Variants in UNC80 observed in about 807,000 individuals in gnomAD.
UNC80 encodes the protein unc-80 subunit of NALCN channel complex.
In UNC80, 164 loss-of-function variants were observed where a neutral mutation model predicts 384.6. That is an observed-to-expected ratio of 0.43 (90% CI 0.38 to 0.49). The LOEUF (loss-of-function observed/expected upper bound fraction) is 0.49, where lower values mean the gene tolerates loss of function less well. UNC80 is among the 20% of genes least tolerant of loss of function. The pLI is 0.00. For missense variants in UNC80, 3,330 were observed against 4,143.0 expected (o/e 0.80, Z 5.39); for synonymous variants, 1,486 against 1,527.8 (o/e 0.97, Z 0.64).
At chr2:209,992,345 C>G (rs956531857) in intron 62 of UNC80, 98 bp downstream of exon 62, 2 of 1,184,660 alleles carry the variant, frequency 1.7e-6, no homozygotes, top group Non-Finnish European at 1.2e-6. Flanking sequence ...TGCTGCTGGA[C>G]GTGCCCGGAA....
At chr2:209,963,046 C>T (rs1363975481) in intron 51 of UNC80, among the ~76,000 whole-genome samples, 1 of 152,210 alleles carries the variant, frequency 6.6e-6, no homozygotes, top group East Asian at 1.9e-4. Flanking sequence ...ATTGCTAAGG[C>T]AATCTATACT....
chr2:209,916,357 C>T (rs1195640286), intron 31 of UNC80, among the ~76,000 whole-genome samples: 1 of 152,146 alleles, frequency 6.6e-6, no homozygotes, highest in East Asian at 1.9e-4. Flanking sequence ...GAAAATAATT[C>T]TTCAAGGAGA....
intron 22 of UNC80, among the ~76,000 whole-genome samples, chr2:209,864,987 G>T (rs7598071): frequency 6.6e-6 from 1 of 152,076 alleles, no homozygotes; most frequent in African/African-American, 2.4e-5. Flanking sequence ...TTCGTGAGGG[G>T]CATCTTCGGA....
chr2:209,781,988 A>AT (rs1305259626), intron 4 of UNC80, among the ~76,000 whole-genome samples: 2 of 152,098 alleles, frequency 1.3e-5, no homozygotes, highest in Non-Finnish European at 2.9e-5. Flanking sequence ...AGTCCCACTC[A>AT]TTTTTTCTCC....
Position 209,872,633 on chromosome 2 carries a change from G to A in UNC80, c.3628-125G>A. On this transcript the variant is annotated intron_variant, in intron 22 of 64. Transcript: ENST00000673920. The surrounding 1 kb of genome is among the most constrained non-coding windows in gnomAD (Gnocchi z 4.1). ...ATACTGACACCACCCTGGGAAATAT[G>A]GCCAATATAAATCAAAACATGAAGA... is the stretch of plus-strand genomic sequence containing the variant. 5.5e-6 allele frequency: 5 copies of A among 912,654 alleles called. No individual in the cohort carries two copies. The highest frequency in any genetic ancestry group is 8.4e-6 in the Non-Finnish European group (5 of 596,572). The allele number at this position is 912,654 out of a possible 1,614,324, so 56.5% of individuals were successfully genotyped here. A position where few individuals can be genotyped will look rare whatever the true frequency, so the allele number is the denominator to read the frequency against.
chr2:209,975,839 G>A (rs1195042025), intron 56 of UNC80, among the ~76,000 whole-genome samples: 1 of 152,002 alleles, frequency 6.6e-6, no homozygotes, highest in Non-Finnish European at 1.5e-5. Flanking sequence ...TCAATTCAGT[G>A]GACCACATTG....
At chr2:209,961,219 G>A (rs1365801453) in intron 51 of UNC80, 2 of 152,206 alleles carry the variant, frequency 1.3e-5, no homozygotes, top group African/African-American at 4.8e-5. Flanking sequence ...GCTCCCTCTA[G>A]AGGCCAATAC....
At chr2:209,793,582 A>G (rs2077964926) in intron 6 of UNC80, 138 bp from the exon 7 acceptor site, 3 of 959,724 alleles carry the variant, frequency 3.1e-6, no homozygotes, top group South Asian at 5.3e-5. Flanking sequence ...GGCCCATAAT[A>G]TCATAATTAA....
chr2:209,904,905 C>T lies in UNC80; in HGVS notation c.4722C>T (p.Asp1574=). The change falls in exon 29 of 65, where the codon GAC becomes GAT. Residue 1574 remains aspartate, a synonymous_variant. Coordinates refer to ENST00000673920, the MANE Select transcript of UNC80 (RefSeq NM_001371986.1). ...AIKLLYGDSV[D]SLRESSNISS... ...AGCTACTCTATGGAGACAGTGTGGA[C>T]TCCCTGAGGGAAAGCAGCAACATCA... 6.4e-7 allele frequency: 1 copy of T among 1,551,770 alleles called. No individual in the cohort carries two copies. Among genetic ancestry groups the T allele is most frequent in the South Asian group, 1.2e-5 (1 of 84,064 alleles).
intron 19 of UNC80, 47 bp from the exon 20 acceptor site, chr2:209,840,495 T>C (rs2081657501): frequency 2.7e-6 from 4 of 1,465,500 alleles, no homozygotes; most frequent in Non-Finnish European, 3.7e-6. Context: ...TTTAATTGAT[T>C]GGATAGAAAA....
At chr2:209,905,388 A>G (rs915973137) in intron 29 of UNC80, among the ~76,000 whole-genome samples, 19 of 152,148 alleles carry the variant, frequency 1.2e-4, no homozygotes, top group Non-Finnish European at 2.1e-4. Flanking sequence ...AAGGGTCCTT[A>G]TAAGTGGAAA....
At chr2:209,821,895 A>C (rs144231700) in intron 13 of UNC80, among the ~76,000 whole-genome samples, 508 of 152,282 alleles carry the variant, frequency 3.3e-3, no homozygotes, top group Middle Eastern at 0.017. Context: ...TACTGTGTAG[A>C]GTTCTAGATA....
At chr2:209,853,498 T>A (rs1419618276) in intron 22 of UNC80, among the ~76,000 whole-genome samples, 2 of 152,054 alleles carry the variant, frequency 1.3e-5, no homozygotes, top group African/African-American at 2.4e-5. Flanking sequence ...GATTCAATTT[T>A]AAGTCCAGTA....
chr2:209,869,706 G>A (rs915258933), intron 22 of UNC80, among the ~76,000 whole-genome samples: 4 of 152,070 alleles, frequency 2.6e-5, no homozygotes, highest in East Asian at 3.9e-4. Flanking sequence ...AATGGGTTTG[G>A]CTATTTACAT....
chr2:209,966,614 C>G (rs1207216977), intron 51 of UNC80, among the ~76,000 whole-genome samples: 1 of 152,192 alleles, frequency 6.6e-6, no homozygotes, highest in African/African-American at 2.4e-5. Context: ...CCCAATTAAT[C>G]TATTTGGCCA....
intron 56 of UNC80, among the ~76,000 whole-genome samples, chr2:209,975,728 A>C (rs1304459549): frequency 6.6e-6 from 1 of 152,246 alleles, no homozygotes; most frequent in African/African-American, 2.4e-5. Context: ...GTTTTAGCTA[A>C]GAATGTGAGT....
In UNC80 at chr2:209,993,768, C is replaced by T. The variant is rs78134939; in HGVS notation, c.9509-297C>T. 4.7e-4 allele frequency among the ~76,000 whole-genome samples: 71 copies of T among 152,242 alleles called. 1 individual carries two copies. In the East Asian group the frequency reaches 0.013, roughly 28 times the overall value. On this transcript the variant is annotated intron_variant, in intron 63 of 64. Transcript: ENST00000673920. ...GTAAAGCTATGATGAATAATAGGGA[C>T]TTTTAAGTCCTGTTGGCAGTTGTTA... is the stretch of plus-strand genomic sequence containing the variant.
chr2:209,799,504 T>C (rs2078397420), intron 7 of UNC80, among the ~76,000 whole-genome samples: 3 of 152,176 alleles, frequency 2.0e-5, no homozygotes, highest in South Asian at 4.1e-4. Flanking sequence ...ATAAAAATTA[T>C]GTTGTCTGGA....
intron 21 of UNC80, 34 bp downstream of exon 21, chr2:209,842,480 C>A: frequency 7.0e-7 from 1 of 1,438,486 alleles, no homozygotes. Context: ...TTCTATTCAA[C>A]TTTTATCACA....
Sources: gnomAD v4.1 joint callset for allele counts (sites outside exome capture counted in the v4.1 genomes callset) on GRCh38, gnomAD v4.1.1 for gene constraint, Gnocchi (gnomAD v3.1) non-coding constraint, MANE v1.5 for transcripts, NCBI Gene and HGNC (gene_info 2026-07-23, HGNC 2026-07-21) for gene names.